The following ACACA variants were observed in gnomAD, a reference collection of about 807,000 sequenced individuals.
ACACA encodes acetyl-CoA carboxylase 1.
Under a neutral mutation model 296.1 loss-of-function variants are expected in ACACA, and 103 were observed. The ratio of observed to expected loss-of-function variants is 0.35; its 90% CI spans 0.30 to 0.41. The LOEUF (loss-of-function observed/expected upper bound fraction) is 0.41. Ranked by LOEUF, ACACA falls within the 10% of genes least tolerant of loss-of-function variation. The probability of loss-of-function intolerance (pLI) is 1.00; values close to 1 mark genes in which losing one functional copy is unlikely to be tolerated. For missense variants in ACACA, 1,554 were observed against 2,989.7 expected, an observed-to-expected ratio of 0.52 and a Z score of 11.20; for synonymous variants, 953 against 1,038.6, an observed-to-expected ratio of 0.92 and a Z score of 1.58.
At chr17:37,384,136 C>A (rs530771239) in intron 1 of ACACA, among the ~76,000 whole-genome samples, 1 of 152,190 alleles carries the variant, frequency 6.6e-6, no homozygotes, top group East Asian at 1.9e-4. Context: ...TAGTGGTGTG[C>A]GCCTGTTGTC....
chr17:37,155,769 A>G lies in ACACA; in HGVS notation c.5361T>C (p.Tyr1787=), dbSNP rs772213143. The change falls in exon 43 of 56, where the codon TAT becomes TAC. Residue 1787 remains tyrosine (Y), a synonymous_variant. Transcript: ENST00000616317. ...DPEDPYKGYR[Y]LYLTPQDYKR... is the part of the protein sequence containing the mutation. Reference sequence around the variant, plus strand: ...TATAATCTTGAGGAGTCAGATATAAATACCTGTATCCCTGTGAAGCACAAA... The same window carrying G: ...TATAATCTTGAGGAGTCAGATATAAGTACCTGTATCCCTGTGAAGCACAAA... The G allele has an allele frequency of 6.2e-7, 1 of 1,603,692 alleles. No homozygotes were observed. Among genetic ancestry groups the G allele is most frequent in the Admixed American group, 1.7e-5 (1 of 60,012 alleles).
chr17:37,193,092 G>A (rs1448605275), intron 36 of ACACA, among the ~76,000 whole-genome samples: 1 of 152,094 alleles, frequency 6.6e-6, no homozygotes, highest in Non-Finnish European at 1.5e-5. Flanking sequence ...TAACAAGAAT[G>A]GTCCTTTAAT....
chr17:37,337,545 C>T (rs994151661), intron 2 of ACACA, among the ~76,000 whole-genome samples: 1 of 152,042 alleles, frequency 6.6e-6, no homozygotes, highest in African/African-American at 2.4e-5. Flanking sequence ...CCTCAAACTC[C>T]TGGGCTCAAG....
intron 17 of ACACA, 133 bp downstream of exon 17, chr17:37,248,460 C>A (rs1220071154): frequency 5.0e-6 from 4 of 796,370 alleles, no homozygotes; most frequent in Non-Finnish European, 8.7e-6. Context: ...CTTCAGGACA[C>A]TGACAAAAAT....
chr17:37,206,841 G>C lies in ACACA; in HGVS notation c.3890C>G (p.Pro1297Arg). ...DEVMGCFSDS[P>R]PQSPTFPEAG... ...CTCAGGGAATGTGGGACTCTGGGGTGGGGAGTCAGAGAAGCAGCCCATCAC... is the reference window on the plus strand; with the variant it reads ...CTCAGGGAATGTGGGACTCTGGGGTCGGGAGTCAGAGAAGCAGCCCATCAC... The change falls in exon 32 of 56, where the codon CCA (proline) becomes CGA (arginine). Residue 1297 changes from proline to arginine, a missense_variant. Transcript: ENST00000616317. The C allele has an allele frequency of 6.2e-7, 1 of 1,613,798 alleles. No individual in the cohort carries two copies. Among genetic ancestry groups the C allele is most frequent in the South Asian group, 1.1e-5 (1 of 91,074 alleles).
chr17:37,198,114 T>C (rs551551753), intron 35 of ACACA, among the ~76,000 whole-genome samples: 1 of 152,360 alleles, frequency 6.6e-6, no homozygotes, highest in African/African-American at 2.4e-5. Context: ...ATACTCTTAA[T>C]ACTAGGGCAT....
intron 25 of ACACA, among the ~76,000 whole-genome samples, chr17:37,232,179 G>A (rs1020266875): frequency 1.3e-5 from 2 of 152,162 alleles, no homozygotes; most frequent in African/African-American, 4.8e-5. Flanking sequence ...TTGACTCACG[G>A]AAGCCTGAGT....
chr17:37,315,832 A>C (rs2047060514), intron 3 of ACACA, among the ~76,000 whole-genome samples: 1 of 152,118 alleles, frequency 6.6e-6, no homozygotes, highest in Non-Finnish European at 1.5e-5. Flanking sequence ...GGTTTTATGG[A>C]GGTTTCATTA....
intron 1 of ACACA, among the ~76,000 whole-genome samples, chr17:37,364,168 G>A (rs566144878): frequency 1.3e-3 from 194 of 151,980 alleles, no homozygotes; most frequent in Non-Finnish European, 2.2e-3. Flanking sequence ...ATGGTGGCAC[G>A]TGCCTGTAGT....
At chr17:37,268,743 A>ATAGATATATATATATATATATC (rs1567913429) in intron 10 of ACACA, among the ~76,000 whole-genome samples, 3 of 102,070 alleles carry the variant, frequency 2.9e-5, no homozygotes, top group Non-Finnish European at 6.4e-5. Context: ...CTATCTATCT[A>ATAGATATATATATATATATATC]TATATATATA....
In ACACA at chr17:37,146,101, A is replaced by C. The variant is rs369502693; in HGVS notation, c.5679+3763T>G. Reference sequence around the variant, plus strand: ...AAAAGTAAAAAAACAGGAAAACACCAGAAAATATTTATTTTATATGAAGGT... The same window carrying C: ...AAAAGTAAAAAAACAGGAAAACACCCGAAAATATTTATTTTATATGAAGGT... On this transcript the variant is annotated intron_variant, in intron 45 of 55. Coordinates refer to ENST00000616317, the MANE Select transcript of ACACA (RefSeq NM_198834.3). 5.3e-5 allele frequency among the ~76,000 whole-genome samples: 8 copies of C among 152,340 alleles called. No individual in the cohort carries two copies. In the East Asian group the frequency reaches 1.5e-3, roughly 29 times the overall value.
intron 39 of ACACA, among the ~76,000 whole-genome samples, chr17:37,184,782 G>A (rs948726507): frequency 6.6e-6 from 1 of 151,038 alleles, no homozygotes; most frequent in South Asian, 2.1e-4. Context: ...CAAGGAGGTC[G>A]AGGCTGTGGT....
rs1029478397 is a variant in ACACA, at chr17:37,215,274, G to A, written c.3684-4784C>T. On this transcript the variant is annotated intron_variant, in intron 29 of 55. Coordinates refer to ENST00000616317, the MANE Select transcript of ACACA (RefSeq NM_198834.3). Reference sequence around the variant, plus strand: ...GCATGGATTTCCATCTATGAAATAGGTGGAAATAAACACCAATAGGTCCTC... The same window carrying A: ...GCATGGATTTCCATCTATGAAATAGATGGAAATAAACACCAATAGGTCCTC... Among the ~76,000 whole-genome samples the A allele has an allele frequency of 5.3e-5, 8 of 152,264 alleles. No individual in the cohort carries two copies. The East Asian group carries it at 1.3e-3, about 26-fold the overall frequency.
chr17:37,259,668 A>G (rs2081358381), intron 11 of ACACA, 138 bp from the exon 12 acceptor site: 2 of 877,168 alleles, frequency 2.3e-6, no homozygotes, highest in Non-Finnish European at 3.7e-6. Context: ...CACATTTCTG[A>G]TTATTATACA....
At chr17:37,162,592 G>A in intron 41 of ACACA, 1 of 258,428 alleles carries the variant, frequency 3.9e-6, no homozygotes. Flanking sequence ...TCTTGTGGGT[G>A]AAAGCAAGCA....
intron 41 of ACACA, among the ~76,000 whole-genome samples, chr17:37,168,260 GAA>G (rs1179872881): frequency 1.3e-5 from 2 of 152,142 alleles, no homozygotes; most frequent in Non-Finnish European, 2.9e-5. Flanking sequence ...TTCATCAATT[GAA>G]AAGCACTTTG....
chr17:37,104,944 GAA>G (rs66518229), intron 52 of ACACA, among the ~76,000 whole-genome samples: 4 of 56,638 alleles, frequency 7.1e-5, no homozygotes, highest in East Asian at 5.1e-4. Context: ...GTCTCTGACC[GAA>G]AAAAAAAAAA....
intron 2 of ACACA, among the ~76,000 whole-genome samples, chr17:37,335,728 C>T (rs574882040): frequency 2.7e-4 from 41 of 152,280 alleles, no homozygotes; most frequent in African/African-American, 9.6e-4. Context: ...GTCTCAAGAA[C>T]TAAATGGTGA....
At chr17:37,369,957 T>C (rs1304796820) in intron 1 of ACACA, among the ~76,000 whole-genome samples, 1 of 149,760 alleles carries the variant, frequency 6.7e-6, no homozygotes, top group Non-Finnish European at 1.5e-5. Flanking sequence ...CTGCCCTCCT[T>C]GGCCTCCCAA....
Sources: gnomAD v4.1 joint callset for allele counts (sites outside exome capture counted in the v4.1 genomes callset) on GRCh38, gnomAD v4.1.1 for gene constraint, MANE v1.5 for transcripts, NCBI Gene and HGNC (gene_info 2026-07-23, HGNC 2026-07-21) for gene names.